VCAN: variants seen among roughly 807,000 people sequenced by gnomAD.
The protein encoded by VCAN is versican core protein.
In VCAN, 44 loss-of-function variants were observed where a neutral mutation model predicts 245.5. That is an observed-to-expected ratio of 0.18 (90% CI 0.14 to 0.23). The LOEUF is 0.23. Among genes scored for constraint, VCAN ranks in the 10% least tolerant of loss-of-function variants. VCAN has a pLI of 1.00. For synonymous variants in VCAN, 1,413 were observed against 1,437.0 expected (o/e 0.98, Z 0.38); for missense variants, 3,793 against 4,057.9 (o/e 0.93, Z 1.77).
rs1746808011 is a variant in VCAN, at chr5:83,538,268, A to C, written c.5265A>C (p.Glu1755Asp). 6.2e-7 allele frequency: 1 copy of C among 1,614,028 alleles called. No individual in the cohort carries two copies. The highest frequency in any genetic ancestry group is 2.2e-5 in the East Asian group (1 of 44,864). The change falls in exon 8 of 15, where the codon GAA (glutamate) becomes GAC (aspartate). Residue 1755 changes from glutamate (E) to aspartate (D), a missense_variant. Physicochemically the swap from Glu to Asp is conservative, Grantham distance 45. Around this residue, in one of 5 missense-constraint regions of VCAN, gnomAD observed 3,182 missense variants for 3,250.3 expected, o/e 0.98. Transcript: ENST00000265077. ...QRSDQLILPF[E>D]LESPNVATSS... The stretch of plus-strand genomic sequence containing the variant: ...CGGATCAATTAATTTTACCCTTTGA[A>C]TTAGAAAGTCCAAATGTAGCTACAT...
chr5:83,481,270 A>G (rs1372828999), intron 1 of VCAN, among the ~76,000 whole-genome samples: 2 of 140,012 alleles, frequency 1.4e-5, no homozygotes, highest in Admixed American at 7.5e-5. Context: ...TTTGAGACGG[A>G]GTCTCGCTCT....
At position 83,579,349 on chromosome 5, in the gene VCAN, C is replaced by T. The variant is rs555747173; in HGVS notation, c.9881-631C>T. 1.3e-4 allele frequency among the ~76,000 whole-genome samples: 20 copies of T among 152,202 alleles called. 1 individual carries two copies. Among genetic ancestry groups the T allele is most frequent in the East Asian group, 1.2e-3 (6 of 5,176 alleles). On this transcript the variant is annotated intron_variant, in intron 13 of 14. Coordinates refer to ENST00000265077, the MANE Select transcript of VCAN (RefSeq NM_004385.5). ...TGCAATCTCGGCTCACTGCAACCTC[C>T]GCCTCCCAGGTTCAAGTGATTCTCC... is the stretch of plus-strand genomic sequence containing the variant.
intron 1 of VCAN, among the ~76,000 whole-genome samples, chr5:83,476,894 C>G (rs1744412051): frequency 6.6e-6 from 1 of 152,120 alleles, no homozygotes; most frequent in African/African-American, 2.4e-5. Context: ...TGTATACATC[C>G]TACCTCATTC....
At chr5:83,548,673 G>A (rs1747333219) in intron 10 of VCAN, among the ~76,000 whole-genome samples, 1 of 152,182 alleles carries the variant, frequency 6.6e-6, no homozygotes, top group South Asian at 2.1e-4. Flanking sequence ...CAACCTGAGG[G>A]TGTATTTTAG....
chr5:83,522,273 A>C lies in VCAN; in HGVS notation c.3967A>C (p.Asn1323His), dbSNP rs890948691. ...AAGCACAAAATTTCACCCTGACATT[A>C]ATGTTTATATTATTGAGGTCAGAGA... is the stretch of plus-strand genomic sequence containing the variant. Reference protein sequence around the residue: ...PASTKFHPDINVYIIEVRENK... With the variant: ...PASTKFHPDIHVYIIEVRENK... Residue 1323 changes from asparagine (N) to histidine (H), a missense_variant, in exon 7 of 15, where the codon AAT (asparagine) becomes CAT (histidine). By Grantham distance (68) the Asn-to-His change is moderately conservative. This residue lies in a region of VCAN where 3,182 missense variants were observed against 3,250.3 expected (regional missense o/e 0.98). Transcript: ENST00000265077. 6.3e-7 allele frequency: 1 copy of C among 1,599,460 alleles called. No homozygotes were observed. Among genetic ancestry groups the C allele is most frequent in the African/African-American group, 1.3e-5 (1 of 74,916 alleles).
intron 2 of VCAN, among the ~76,000 whole-genome samples, chr5:83,484,361 CCATT>C (rs1744720918): frequency 6.6e-6 from 1 of 152,078 alleles, no homozygotes; most frequent in Non-Finnish European, 1.5e-5. Flanking sequence ...CTCCAGCCAT[CCATT>C]CATCTGTCCA....
At position 83,519,442 on chromosome 5, in the gene VCAN, C is replaced by T. The variant is rs1296395917; in HGVS notation, c.1136C>T (p.Thr379Ile). The T allele has an allele frequency of 1.9e-6, 3 of 1,614,048 alleles. No individual in the cohort carries two copies. The highest frequency in any genetic ancestry group is 1.3e-5 in the African/African-American group (1 of 74,940). Residue 379 changes from threonine to isoleucine, a missense_variant, in exon 7 of 15, where the codon ACA (threonine) becomes ATA (isoleucine). Thr to Ile is a moderately conservative substitution (Grantham distance 89). This residue lies in a region of VCAN where 3,182 missense variants were observed against 3,250.3 expected (regional missense o/e 0.98). Transcript: ENST00000265077. ...KEPQMVSDRTTPIIPLVDELP... is the reference protein window; with the variant it reads ...KEPQMVSDRTIPIIPLVDELP... ...CCACAAATGGTTTCTGATAGAACTA[C>T]ACCAATCATCCCTTTAGTTGATGAA...
rs1249673427 is a variant in VCAN, at chr5:83,512,317, G to C, written c.963G>C (p.Gly321=). 6.2e-7 allele frequency: 1 copy of C among 1,613,092 alleles called. No homozygotes were observed. The highest frequency in any genetic ancestry group is 1.3e-5 in the African/African-American group (1 of 74,988). ...CCCAGTGTGGAGGTGGTCTACTTGGGGTGAGAACCCTGTATCGTTTTGAGA... is the reference window on the plus strand; with the variant it reads ...CCCAGTGTGGAGGTGGTCTACTTGGCGTGAGAACCCTGTATCGTTTTGAGA... ...ARAQCGGGLL[G]VRTLYRFENQ... Residue 321 remains glycine, a synonymous_variant, in exon 6 of 15, where the codon GGG becomes GGC. Transcript: ENST00000265077.
intron 5 of VCAN, among the ~76,000 whole-genome samples, chr5:83,509,643 T>C (rs1461363391): frequency 6.6e-6 from 1 of 152,218 alleles, no homozygotes; most frequent in Non-Finnish European, 1.5e-5. Context: ...TGCAGGAAAC[T>C]AAGGCAACAC....
rs58804437 is a variant in VCAN at position 83,528,989 on chromosome 5, T to TACACACACACACACACACAC, written c.4003+6698_4003+6717dup. On this transcript the variant is annotated intron_variant, in intron 7 of 14. Transcript: ENST00000265077. ...AATCACAGGGTTTATGAAACAAAGA[T>TACACACACACACACACACAC]ACACACACACACACACACACACACA... Among the ~76,000 whole-genome samples, 106 of 141,500 alleles carry TACACACACACACACACACAC rather than the reference T, an allele frequency of 7.5e-4. 1 individual carries two copies. The highest frequency in any genetic ancestry group is 1.7e-3 in the East Asian group (8 of 4,752). The allele number at this position is 141,500 out of a possible 152,430, so 92.8% of individuals were successfully genotyped here. A position where few individuals can be genotyped will look rare whatever the true frequency, so the allele number is the denominator to read the frequency against.
Position 83,521,179 on chromosome 5 carries a change from G to A in VCAN, c.2873G>A (p.Ser958Asn). The change falls in exon 7 of 15, where the codon AGT becomes AAT. Residue 958 changes from serine to asparagine, a missense_variant. This residue lies in a region of VCAN where 3,182 missense variants were observed against 3,250.3 expected (regional missense o/e 0.98). Coordinates refer to ENST00000265077, the MANE Select transcript of VCAN (RefSeq NM_004385.5). ...EVEGLAFVSYSSTQEPTTYVD... is the reference protein window; with the variant it reads ...EVEGLAFVSYNSTQEPTTYVD... ...GAAGGATTAGCATTTGTTAGTTATA[G>A]TAGCACCCAAGAGCCTACTACTTAT... 6.2e-7 allele frequency: 1 copy of A among 1,613,586 alleles called. No homozygotes were observed. The highest frequency in any genetic ancestry group is 8.5e-7 in the Non-Finnish European group (1 of 1,179,630).
rs1746812054 is a variant in VCAN, at chr5:83,538,332, A to G, written c.5329A>G (p.Thr1777Ala). The change falls in exon 8 of 15, where the codon ACA becomes GCA. Residue 1777 changes from threonine to alanine, a missense_variant. Thr to Ala is a moderately conservative substitution (Grantham distance 58, BLOSUM62 0). This residue lies in a region of VCAN where 3,182 missense variants were observed against 3,250.3 expected (regional missense o/e 0.98). Coordinates refer to ENST00000265077, the MANE Select transcript of VCAN (RefSeq NM_004385.5). The part of the protein sequence containing the change: ...SGTRKSFMSL[T>A]TPTQSEREMT... ...TACCAGGAAAAGTTTTATGTCCTTGACAACACCAACACAGTCTGAAAGGGA... is the reference window on the plus strand; with the variant it reads ...TACCAGGAAAAGTTTTATGTCCTTGGCAACACCAACACAGTCTGAAAGGGA... 2 of 1,614,084 alleles carry G rather than the reference A, an allele frequency of 1.2e-6. No individual in the cohort carries two copies. Among genetic ancestry groups the G allele is most frequent in the Non-Finnish European group, 1.7e-6 (2 of 1,179,972 alleles).
intron 1 of VCAN, among the ~76,000 whole-genome samples, chr5:83,472,624 C>T (rs1209043351): frequency 6.6e-6 from 1 of 152,140 alleles, no homozygotes; most frequent in Non-Finnish European, 1.5e-5. Context: ...CTTCAGACCG[C>T]AGGCAGTCTG....
At chr5:83,501,991 G>A (rs753098615) in intron 5 of VCAN, among the ~76,000 whole-genome samples, 2 of 152,052 alleles carry the variant, frequency 1.3e-5, no homozygotes, top group African/African-American at 4.8e-5. Context: ...TCTTTTCAGA[G>A]TATAAGTTTT....
rs766603369 is a variant in VCAN, at chr5:83,520,563, A to T, written c.2257A>T (p.Ile753Leu). Residue 753 changes from isoleucine to leucine, a missense_variant, in exon 7 of 15, where the codon ATA becomes TTA. By Grantham distance (5) the Ile-to-Leu change is conservative. Transcript: ENST00000265077. Reference protein sequence around the residue: ...MTKSFDFPTLITKLSAEPTEV... With the variant: ...MTKSFDFPTLLTKLSAEPTEV... Reference sequence around the variant, plus strand: ...CAAGTCTTTTGATTTCCCAACATTGATAACAAAGTTAAGTGCAGAGCCAAC... The same window carrying T: ...CAAGTCTTTTGATTTCCCAACATTGTTAACAAAGTTAAGTGCAGAGCCAAC... The T allele has an allele frequency of 1.2e-6, 2 of 1,614,040 alleles. No homozygotes were observed. The highest frequency in any genetic ancestry group is 2.2e-5 in the South Asian group (2 of 91,086).
chr5:83,578,256 T>C (rs1314314150), intron 13 of VCAN, among the ~76,000 whole-genome samples: 1 of 152,092 alleles, frequency 6.6e-6, no homozygotes, highest in African/African-American at 2.4e-5. Flanking sequence ...CTGCGTATTT[T>C]CACTTATAAG....
At chr5:83,543,264 A>C (rs1435335034) in intron 8 of VCAN, among the ~76,000 whole-genome samples, 1 of 152,338 alleles carries the variant, frequency 6.6e-6, no homozygotes, top group Non-Finnish European at 1.5e-5. Context: ...GTTTTCCCAT[A>C]ATGTTATTAT....
chr5:83,540,806 A>G lies in VCAN; in HGVS notation c.7803A>G (p.Val2601=). 1 of 1,614,036 alleles carries G rather than the reference A, an allele frequency of 6.2e-7. No homozygotes were observed. The highest frequency in any genetic ancestry group is 8.5e-7 in the Non-Finnish European group (1 of 1,179,974). ...LGMQTDIDTE[V]PSEPHDSNDE... is the part of the protein sequence containing the mutation. ...TGCAAACAGATATAGATACAGAGGT[A>G]CCATCAGAACCACATGACAGTAATG... is the stretch of plus-strand genomic sequence containing the variant. The change falls in exon 8 of 15, where the codon GTA becomes GTG. Residue 2601 remains valine, a synonymous_variant. Coordinates refer to ENST00000265077, the MANE Select transcript of VCAN (RefSeq NM_004385.5).
intron 12 of VCAN, among the ~76,000 whole-genome samples, chr5:83,558,292 C>G (rs1344209803): frequency 6.6e-6 from 1 of 152,090 alleles, no homozygotes; most frequent in Admixed American, 6.6e-5. Context: ...GAAAATATCC[C>G]TAACAGTAAA....
Sources: gnomAD v4.1 joint callset for allele counts (sites outside exome capture counted in the v4.1 genomes callset) on GRCh38, gnomAD v4.1.1 for gene constraint, gnomAD v4.1.1 regional missense constraint, MANE v1.5 for transcripts, NCBI Gene and HGNC (gene_info 2026-07-23, HGNC 2026-07-21) for gene names.